The following RPS6KC1 variants were observed in gnomAD, a reference collection of about 807,000 sequenced individuals.
RPS6KC1 encodes ribosomal protein S6 kinase C1, also known as inactive ribosomal protein S6 kinase delta-1.
In RPS6KC1, 54 loss-of-function variants were observed where a neutral mutation model predicts 103.8. That is an observed-to-expected ratio of 0.52 (90% CI 0.42 to 0.65). The LOEUF (loss-of-function observed/expected upper bound fraction) is 0.65. Ranked by LOEUF, RPS6KC1 falls within the 30% of genes least tolerant of loss-of-function variation. The pLI is 0.00. For missense variants in RPS6KC1, 1,151 were observed against 1,253.8 expected, an observed-to-expected ratio of 0.92 and a Z score of 1.24; for synonymous variants, 439 against 438.7, an observed-to-expected ratio of 1.00 and a Z score of -0.01.
intron 8 of RPS6KC1, among the ~76,000 whole-genome samples, chr1:213,225,307 G>A (rs536920274): frequency 3.2e-4 from 49 of 152,236 alleles, no homozygotes; most frequent in African/African-American, 1.1e-3. Context: ...CAATGTGAAC[G>A]TTGTCTAGTT....
chr1:213,356,382 G>A, the RPS6KC1 span, among the ~76,000 whole-genome samples: 2 of 151,902 alleles, frequency 1.3e-5, no homozygotes, highest in Admixed American at 6.6e-5. Flanking sequence ...CAGGCCAGGT[G>A]TGGTGGCTCA....
At chr1:213,100,579 C>T (rs565302821) in intron 3 of RPS6KC1, among the ~76,000 whole-genome samples, 1 of 152,228 alleles carries the variant, frequency 6.6e-6, no homozygotes, top group South Asian at 2.1e-4. Flanking sequence ...ACAGTTATCT[C>T]CTTCTTTCCA....
At chr1:213,496,139 G>A in the RPS6KC1 span, among the ~76,000 whole-genome samples, 2 of 151,778 alleles carry the variant, frequency 1.3e-5, no homozygotes, top group Non-Finnish European at 2.9e-5. Flanking sequence ...AGAAGTAAAT[G>A]TGAAATATAT....
At chr1:213,653,888 C>T in the RPS6KC1 span, among the ~76,000 whole-genome samples, 1 of 152,176 alleles carries the variant, frequency 6.6e-6, no homozygotes, top group South Asian at 2.1e-4. Context: ...GGCCTTAGAA[C>T]ATCTCTTTTC....
chr1:213,343,432 T>TCC, the RPS6KC1 span, among the ~76,000 whole-genome samples: 1 of 67,622 alleles, frequency 1.5e-5, no homozygotes, highest in Non-Finnish European at 3.2e-5. Context: ...TATATATATA[T>TCC]ATATATATAC....
chr1:213,245,541 C>T (rs1009843657), intron 12 of RPS6KC1, among the ~76,000 whole-genome samples: 1 of 152,174 alleles, frequency 6.6e-6, no homozygotes, highest in African/African-American at 2.4e-5. Context: ...ACTTCACCTC[C>T]TGGGAATCCT....
Position 213,098,831 on chromosome 1 carries a change from A to C in RPS6KC1, c.263-5623A>C, listed in dbSNP as rs142662533. 3.4e-3 allele frequency among the ~76,000 whole-genome samples: 520 copies of C among 152,356 alleles called. 5 individuals carry two copies. Among genetic ancestry groups the C allele is most frequent in the African/African-American group, 0.012 (498 of 41,584 alleles). On this transcript the variant is annotated intron_variant, in intron 3 of 14. Transcript: ENST00000366960. ...CACATGCTGTTGGAAAAATGTTGCC[A>C]CAAATCTTCAATTTGTAAAAAAATG... is the stretch of plus-strand genomic sequence containing the variant.
Position 213,224,834 on chromosome 1 carries a change from G to C in RPS6KC1, c.1045-5663G>C, listed in dbSNP as rs141898287. On this transcript the variant is annotated intron_variant, in intron 8 of 14. Transcript: ENST00000366960. ...AAATGTTTGGCTCCTTATGATCTTTGTGCATGCAACTATAATATTAATGCA... is the reference window on the plus strand; with the variant it reads ...AAATGTTTGGCTCCTTATGATCTTTCTGCATGCAACTATAATATTAATGCA... Among the ~76,000 whole-genome samples, 691 of 152,234 alleles carry C rather than the reference G, an allele frequency of 4.5e-3. 8 individuals carry two copies. The highest frequency in any genetic ancestry group is 6.1e-3 in the Non-Finnish European group (413 of 68,014).
intron 3 of RPS6KC1, among the ~76,000 whole-genome samples, chr1:213,094,004 G>A (rs1253517982): frequency 6.6e-6 from 1 of 151,412 alleles, no homozygotes; most frequent in African/African-American, 2.4e-5. Context: ...ACCCTTCCTG[G>A]TTATTCATCT....
intron 6 of RPS6KC1, among the ~76,000 whole-genome samples, chr1:213,151,445 C>T (rs1388762940): frequency 1.4e-5 from 2 of 138,710 alleles, no homozygotes; most frequent in Non-Finnish European, 3.2e-5. Flanking sequence ...CCTCACCTCC[C>T]GGATGGGGCG....
At chr1:213,661,116 G>A in the RPS6KC1 span, among the ~76,000 whole-genome samples, 1 of 152,118 alleles carries the variant, frequency 6.6e-6, no homozygotes, top group Admixed American at 6.5e-5. Flanking sequence ...GCAGCCTTCA[G>A]ACCCCAGAGC....
the RPS6KC1 span, among the ~76,000 whole-genome samples, chr1:213,537,735 G>T: frequency 6.6e-6 from 1 of 152,156 alleles, no homozygotes; most frequent in African/African-American, 2.4e-5. Flanking sequence ...GGGCAAACTG[G>T]CTGCTGTGTT....
At chr1:213,490,970 C>T in the RPS6KC1 span, among the ~76,000 whole-genome samples, 1 of 152,156 alleles carries the variant, frequency 6.6e-6, no homozygotes, top group Non-Finnish European at 1.5e-5. Flanking sequence ...ACATTGTCCC[C>T]ACACTGCTCG....
chr1:213,648,266 T>C, the RPS6KC1 span, among the ~76,000 whole-genome samples: 2 of 152,108 alleles, frequency 1.3e-5, no homozygotes, highest in Non-Finnish European at 2.9e-5. Context: ...TGGGTACAGT[T>C]TGGGAACTAT....
At chr1:213,620,153 TAACA>T in the RPS6KC1 span, among the ~76,000 whole-genome samples, 113 of 152,338 alleles carry the variant, frequency 7.4e-4, 1 homozygote, top group African/African-American at 2.5e-3. Flanking sequence ...TATGGCTGCT[TAACA>T]AACTACTTTA....
At chr1:213,429,944 T>G in the RPS6KC1 span, among the ~76,000 whole-genome samples, 1 of 152,210 alleles carries the variant, frequency 6.6e-6, no homozygotes, top group South Asian at 2.1e-4. Flanking sequence ...GCTACTGAAA[T>G]TGGAGTTCAA....
the RPS6KC1 span, among the ~76,000 whole-genome samples, chr1:213,640,455 A>AC: frequency 2.9e-5 from 4 of 139,890 alleles, no homozygotes; most frequent in Non-Finnish European, 1.6e-5. Flanking sequence ...ATTTGTGTTC[A>AC]TTTTTTTTTT....
chr1:213,271,330 A>G (rs923334337), intron 14 of RPS6KC1, among the ~76,000 whole-genome samples: 4 of 152,178 alleles, frequency 2.6e-5, no homozygotes, highest in East Asian at 1.9e-4. Context: ...AAAAGACTAC[A>G]TATTTTATTA....
chr1:213,213,726 A>G (rs1310371986), intron 8 of RPS6KC1, among the ~76,000 whole-genome samples: 2 of 152,162 alleles, frequency 1.3e-5, no homozygotes, highest in African/African-American at 4.8e-5. Context: ...AGTAAATTTT[A>G]TTTGTAAATC....
Sources: allele counts gnomAD v4.1 joint callset (sites outside exome capture counted in the v4.1 genomes callset), GRCh38; gene constraint gnomAD v4.1.1; transcripts MANE v1.5; gene names NCBI Gene and HGNC (gene_info 2026-07-23, HGNC 2026-07-21).